The following USF3 variants were observed in gnomAD, a reference collection of about 807,000 sequenced individuals.
The protein encoded by USF3 is basic helix-loop-helix domain-containing protein USF3.
A neutral mutation model predicts 157.5 loss-of-function variants in USF3; 29 were observed. The ratio of observed to expected loss-of-function variants is 0.18; its 90% CI spans 0.14 to 0.25. USF3 has a LOEUF of 0.25. USF3 is among the 10% of genes least tolerant of loss of function. The pLI, the probability that USF3 is intolerant of heterozygous loss-of-function variation, is 1.00. For missense variants in USF3, 2,381 were observed against 2,667.6 expected, an observed-to-expected ratio of 0.89 and a Z score of 2.37; for synonymous variants, 893 against 941.4, an observed-to-expected ratio of 0.95 and a Z score of 0.94.
Position 113,658,579 on chromosome 3 carries a change from T to C in USF3, c.3103A>G (p.Asn1035Asp). The change falls in exon 7 of 7, where the codon AAT becomes GAT. Residue 1035 changes from asparagine to aspartate, a missense_variant. Transcript: ENST00000316407. ...QMDHPDFSSE[N>D]PKIVDSSVNL... ...ACACTTGAATCAACTATTTTAGGAT[T>C]TTCTGAAGAAAAGTCAGGATGATCC... 8 of 1,614,030 alleles carry C rather than the reference T, an allele frequency of 5.0e-6. No individual in the cohort carries two copies. Among genetic ancestry groups the C allele is most frequent in the Non-Finnish European group, 6.8e-6 (8 of 1,179,982 alleles).
At chr3:113,662,552 T>C (rs1690521740) in intron 6 of USF3, among the ~76,000 whole-genome samples, 1 of 152,174 alleles carries the variant, frequency 6.6e-6, no homozygotes, top group Non-Finnish European at 1.5e-5. Context: ...GAGCTGAAAC[T>C]AGCAGATCAT....
In USF3 at chr3:113,657,484, G is replaced by A; in HGVS notation, c.4198C>T (p.Arg1400Ter). ...SNPAHGDGLT[R>*]LFPPSNNFVT... ...AAGTTGTTACTAGGTGGAAATAATC[G>A]TGTAAGGCCATCTCCATGAGCTGGG... The change falls in exon 7 of 7, where the codon CGA becomes TGA. Residue 1400 changes from arginine to a stop codon, truncating the protein, a stop_gained. Transcript: ENST00000316407. LOFTEE classifies it high-confidence loss of function. 1 of 1,614,168 alleles carries A rather than the reference G, an allele frequency of 6.2e-7. No homozygotes were observed. Among genetic ancestry groups the A allele is most frequent in the Non-Finnish European group, 8.5e-7 (1 of 1,180,040 alleles).
rs964460486 is a variant in USF3, at chr3:113,675,461, G to A, written c.-18-565C>T. On this transcript the variant is annotated intron_variant, in intron 2 of 6. Coordinates refer to ENST00000316407, the MANE Select transcript of USF3 (RefSeq NM_001009899.4). ...TCATTTGACTGTCATTAAAATCTGG[G>A]TATGAAAATTCTATATATATTTCAA... Among the ~76,000 whole-genome samples, 6 of 152,032 alleles carry A rather than the reference G, an allele frequency of 3.9e-5. No individual in the cohort carries two copies. The South Asian group carries it at 8.3e-4, about 21-fold the overall frequency.
chr3:113,658,219 C>T lies in USF3; in HGVS notation c.3463G>A (p.Ala1155Thr). ...TTTGAAGCAACTTCCCTTATATCAG[C>T]CTGGAGGCCAACTCTCCCCTTCTCA... ...NLEKGRVGLQ[A>T]DIREVASKPS... The change falls in exon 7 of 7, where the codon GCT becomes ACT. Residue 1155 changes from alanine (A) to threonine (T), a missense_variant. By Grantham distance (58) the Ala-to-Thr change is moderately conservative. Transcript: ENST00000316407. 2 of 1,614,094 alleles carry T rather than the reference C, an allele frequency of 1.2e-6. No individual in the cohort carries two copies. The highest frequency in any genetic ancestry group is 1.7e-6 in the Non-Finnish European group (2 of 1,180,000).
rs139999031 is a variant in USF3, at chr3:113,685,060, T to C, written c.-134-7663A>G. Among the ~76,000 whole-genome samples the C allele has an allele frequency of 5.5e-3, 833 of 152,316 alleles. 8 individuals are homozygous for C. The highest frequency in any genetic ancestry group is 0.02 in the South Asian group (96 of 4,826). On this transcript the variant is annotated intron_variant, in intron 1 of 6. Transcript: ENST00000316407. ...CTTAAGTCTTTGGTCACTGCAACCA[T>C]ATGTGCATTAGGGGGCACTCCCAAG...
At chr3:113,674,354 T>C (rs1657729133) in intron 3 of USF3, among the ~76,000 whole-genome samples, 1 of 152,176 alleles carries the variant, frequency 6.6e-6, no homozygotes, top group African/African-American at 2.4e-5. Context: ...TTTTTTCTTT[T>C]TTTTTTCTTT....
In USF3 at chr3:113,648,590, C is replaced by T. The variant is rs1242675355; in HGVS notation, c.*6354G>A. On this transcript the variant is annotated 3_prime_UTR_variant, in exon 7 of 7. Coordinates refer to ENST00000316407, the MANE Select transcript of USF3 (RefSeq NM_001009899.4). The stretch of plus-strand genomic sequence containing the variant: ...AATAAACAGGACCTATTCTTATTTA[C>T]AACTGTAGGACAATCCTGATCATAT... 6 of 152,566 alleles carry T rather than the reference C, an allele frequency of 3.9e-5. No homozygotes were observed. The highest frequency in any genetic ancestry group is 1.4e-4 in the African/African-American group (6 of 41,412). 9.5% of individuals were successfully genotyped at this position (152,566 alleles called of 1,614,324 possible).
chr3:113,670,796 G>C (rs1490852889), intron 4 of USF3, among the ~76,000 whole-genome samples: 1 of 152,130 alleles, frequency 6.6e-6, no homozygotes, highest in Non-Finnish European at 1.5e-5. Context: ...CCCCAGGCTG[G>C]AGTGCAGCAG....
At chr3:113,694,668 A>T (rs1707762276) in intron 1 of USF3, among the ~76,000 whole-genome samples, 1 of 152,214 alleles carries the variant, frequency 6.6e-6, no homozygotes, top group South Asian at 2.1e-4. Flanking sequence ...CATCAAATAC[A>T]CTAACACTAA....
Position 113,657,269 on chromosome 3 carries a change from C to T in USF3, c.4413G>A (p.Gln1471=), listed in dbSNP as rs748091328. The T allele has an allele frequency of 3.8e-5, 15 of 395,350 alleles. No homozygotes were observed. The South Asian group carries it at 5.5e-4, about 14-fold the overall frequency. 24.5% of individuals were successfully genotyped at this position (395,350 alleles called of 1,614,324 possible). A position where few individuals can be genotyped will look rare whatever the true frequency, so the allele number is the denominator to read the frequency against. ...KQQQQQQQQQ[Q]QQQQQQQAGQ... ...CTGCTTGTTGTTGTTGCTGTTGCTG[C>T]TGCTGCTGCTGCTGCTGCTGCTGCT... The change falls in exon 7 of 7, where the codon CAG becomes CAA. Residue 1471 remains glutamine, a synonymous_variant. Coordinates refer to ENST00000316407, the MANE Select transcript of USF3 (RefSeq NM_001009899.4).
Position 113,652,981 on chromosome 3 carries a change from A to G in USF3, c.*1963T>C. 1 of 1,092,402 alleles carries G rather than the reference A, an allele frequency of 9.2e-7. No individual in the cohort carries two copies. The highest frequency in any genetic ancestry group is 1.3e-6 in the Non-Finnish European group (1 of 783,724). 67.7% of individuals were successfully genotyped at this position (1,092,402 alleles called of 1,614,324 possible). A position where few individuals can be genotyped will look rare whatever the true frequency, so the allele number is the denominator to read the frequency against. On this transcript the variant is annotated 3_prime_UTR_variant, in exon 7 of 7. Transcript: ENST00000316407. Reference sequence around the variant, plus strand: ...ATCTCCTGAGGAAGAGGAACTTGAAAAAGGAATATTCAAGGTGCTGTTCCT... The same window carrying G: ...ATCTCCTGAGGAAGAGGAACTTGAAGAAGGAATATTCAAGGTGCTGTTCCT...
chr3:113,670,248 C>G lies in USF3; in HGVS notation c.77-45G>C, dbSNP rs919988244. 2.7e-6 allele frequency: 3 copies of G among 1,105,260 alleles called. No individual in the cohort carries two copies. The African/African-American group carries it at 4.6e-5, about 17-fold the overall frequency. The allele number at this position is 1,105,260 out of a possible 1,614,324, so 68.5% of individuals were successfully genotyped here. A position where few individuals can be genotyped will look rare whatever the true frequency, so the allele number is the denominator to read the frequency against. On this transcript the variant is annotated intron_variant, in intron 4 of 6. Coordinates refer to ENST00000316407, the MANE Select transcript of USF3 (RefSeq NM_001009899.4). ...TTTATCAAACCTTACACTACTTAGT[C>G]AAAGTGCCCTCATTCAACCACGGTA...
rs1947238026 is a variant in USF3, at chr3:113,650,286, T to C, written c.*4658A>G. On this transcript the variant is annotated 3_prime_UTR_variant, in exon 7 of 7. Transcript: ENST00000316407. ...GCACACTGAAATATTTTAAATCAAT[T>C]CTGAACTAATTTTGTTTCAAGAAAT... 1.3e-5 allele frequency: 2 copies of C among 159,716 alleles called. No homozygotes were observed. The highest frequency in any genetic ancestry group is 6.4e-5 in the Admixed American group (1 of 15,662). 9.9% of individuals were successfully genotyped at this position (159,716 alleles called of 1,614,324 possible).
rs1947249640 is a variant in USF3 at position 113,650,908 on chromosome 3, T to C, written c.*4036A>G. On this transcript the variant is annotated 3_prime_UTR_variant, in exon 7 of 7. Transcript: ENST00000316407. ...TCCTACACCTTACCTAGAAAAAAGG[T>C]GCCATCTCTGGTACCGCAAAAGGTC... 1 of 152,030 alleles carries C rather than the reference T, an allele frequency of 6.6e-6. No homozygotes were observed. The highest frequency in any genetic ancestry group is 1.5e-5 in the Non-Finnish European group (1 of 67,992). The allele number at this position is 152,030 out of a possible 1,614,324, so 9.4% of individuals were successfully genotyped here. A position where few individuals can be genotyped will look rare whatever the true frequency, so the allele number is the denominator to read the frequency against.
chr3:113,695,673 T>C (rs559269263), intron 1 of USF3, among the ~76,000 whole-genome samples: 2 of 152,302 alleles, frequency 1.3e-5, no homozygotes, highest in South Asian at 4.1e-4. Flanking sequence ...AAGGACCATA[T>C]CCCAATGTAA....
intron 1 of USF3, among the ~76,000 whole-genome samples, chr3:113,679,407 A>G (rs1707358866): frequency 6.8e-6 from 1 of 147,844 alleles, no homozygotes; most frequent in African/African-American, 2.5e-5. Context: ...CAACAGAGAA[A>G]GTTCTTTTTT....
At chr3:113,667,242 C>T (rs1042953946) in intron 5 of USF3, among the ~76,000 whole-genome samples, 1 of 152,202 alleles carries the variant, frequency 6.6e-6, no homozygotes, top group Admixed American at 6.5e-5. Context: ...AAAGGCAGAA[C>T]CTGATAATTC....
At chr3:113,686,515 C>A (rs887349455) in intron 1 of USF3, among the ~76,000 whole-genome samples, 4 of 152,190 alleles carry the variant, frequency 2.6e-5, no homozygotes, top group African/African-American at 4.8e-5. Flanking sequence ...GTCTCAAACT[C>A]CTGGCCTCAA....
Position 113,652,258 on chromosome 3 carries a change from ACCTTT to A in USF3, c.*2681_*2685del, listed in dbSNP as rs1259074590. On this transcript the variant is annotated 3_prime_UTR_variant, in exon 7 of 7. Coordinates refer to ENST00000316407, the MANE Select transcript of USF3 (RefSeq NM_001009899.4). ...GTCCTTCTTGAAATTGGCACACTGG[ACCTTT>A]CAAGTACAAAGAAAAATTTGAACGT... 1 of 152,226 alleles carries A rather than the reference ACCTTT, an allele frequency of 6.6e-6. No homozygotes were observed. The highest frequency in any genetic ancestry group is 1.5e-5 in the Non-Finnish European group (1 of 68,010). 9.4% of individuals were successfully genotyped at this position (152,226 alleles called of 1,614,324 possible). A position where few individuals can be genotyped will look rare whatever the true frequency, so the allele number is the denominator to read the frequency against.
Sources: allele counts gnomAD v4.1 joint callset (sites outside exome capture counted in the v4.1 genomes callset), GRCh38; gene constraint gnomAD v4.1.1; transcripts MANE v1.5; gene names NCBI Gene and HGNC (gene_info 2026-07-23, HGNC 2026-07-21).